The following APBB1IP variants were observed in gnomAD, a reference collection of about 807,000 sequenced individuals.
The protein encoded by APBB1IP is amyloid beta precursor protein binding family B member 1 interacting protein, also known as amyloid beta A4 precursor protein-binding family B member 1-interacting protein.
In APBB1IP, 27 loss-of-function variants were observed where a neutral mutation model predicts 64.9. The ratio of observed to expected loss-of-function variants is 0.42; its 90% CI spans 0.31 to 0.57. APBB1IP has a LOEUF of 0.57. APBB1IP is among the 20% of genes least tolerant of loss of function. The pLI is 0.20. For missense variants in APBB1IP, 812 were observed against 845.5 expected (o/e 0.96, Z 0.49); for synonymous variants, 392 against 331.0 (o/e 1.18, Z -2.00).
intron 5 of APBB1IP, 121 bp from the exon 6 acceptor site, chr10:26,503,076 G>T: frequency 1.2e-6 from 1 of 830,026 alleles, no homozygotes. Flanking sequence ...TGAAAATCAA[G>T]CATGTGAAAT....
intron 2 of APBB1IP, among the ~76,000 whole-genome samples, chr10:26,476,257 C>T (rs187659308): frequency 6.6e-6 from 1 of 151,518 alleles, no homozygotes; most frequent in East Asian, 1.9e-4. Flanking sequence ...CAGCATTTCA[C>T]CATGTTGGCC....
chr10:26,560,941 A>G, intron 13 of APBB1IP, 97 bp downstream of exon 13: 1 of 831,578 alleles, frequency 1.2e-6, no homozygotes, highest in Non-Finnish European at 1.8e-6. Flanking sequence ...CTTTGTACAC[A>G]GCATTCAGAA....
intron 8 of APBB1IP, among the ~76,000 whole-genome samples, chr10:26,514,056 T>C (rs1219114288): frequency 1.3e-5 from 2 of 152,176 alleles, no homozygotes; most frequent in African/African-American, 4.8e-5. Flanking sequence ...TAATGTCACC[T>C]GTATACTAAC....
At chr10:26,500,140 G>A (rs1172390650) in intron 4 of APBB1IP, among the ~76,000 whole-genome samples, 3 of 151,384 alleles carry the variant, frequency 2.0e-5, no homozygotes, top group Admixed American at 6.6e-5. Flanking sequence ...GAGCCTGGGA[G>A]GCAGAGATTG....
chr10:26,536,193 T>C lies in APBB1IP; in HGVS notation c.1020T>C (p.Tyr340=). The C allele has an allele frequency of 1.3e-6, 2 of 1,596,292 alleles. No individual in the cohort carries two copies. The highest frequency in any genetic ancestry group is 1.7e-6 in the Non-Finnish European group (2 of 1,174,998). ...TTCTTTTACGGGCTTCTGGAATTTA[T>C]TATGTACCCAAAGGAAAGACTAAGG... is the stretch of plus-strand genomic sequence containing the variant. ...RYFLLRASGI[Y]YVPKGKTKTS... is the part of the protein sequence containing the mutation. The change falls in exon 10 of 15, where the codon TAT becomes TAC. Residue 340 remains tyrosine (Y), a synonymous_variant. Transcript: ENST00000376236.
At chr10:26,510,397 T>C (rs1489994182) in intron 6 of APBB1IP, among the ~76,000 whole-genome samples, 1 of 152,218 alleles carries the variant, frequency 6.6e-6, no homozygotes, top group Non-Finnish European at 1.5e-5. Flanking sequence ...ACCAATTTTA[T>C]TGTGAATTTA....
At chr10:26,529,188 A>G (rs746598746) in intron 8 of APBB1IP, among the ~76,000 whole-genome samples, 1 of 152,232 alleles carries the variant, frequency 6.6e-6, no homozygotes, top group Non-Finnish European at 1.5e-5. Flanking sequence ...AGGTTTACCC[A>G]GTTTCCATTT....
chr10:26,551,034 G>A (rs1216150365), intron 11 of APBB1IP, among the ~76,000 whole-genome samples: 1 of 152,216 alleles, frequency 6.6e-6, no homozygotes, highest in Non-Finnish European at 1.5e-5. Flanking sequence ...AGGGCCCACT[G>A]GATGGTGTGG....
At chr10:26,544,272 G>T (rs1363101355) in intron 11 of APBB1IP, among the ~76,000 whole-genome samples, 1 of 152,204 alleles carries the variant, frequency 6.6e-6, no homozygotes, top group African/African-American at 2.4e-5. Context: ...CCAAAGACTT[G>T]TCCACACTTC....
At chr10:26,457,874 A>T (rs1223449470) in intron 2 of APBB1IP, among the ~76,000 whole-genome samples, 4 of 152,232 alleles carry the variant, frequency 2.6e-5, no homozygotes, top group Non-Finnish European at 5.9e-5. Context: ...TATCCTAAAG[A>T]TAATCTGGAT....
intron 2 of APBB1IP, among the ~76,000 whole-genome samples, chr10:26,475,518 C>T (rs1835765485): frequency 6.6e-6 from 1 of 152,138 alleles, no homozygotes; most frequent in African/African-American, 2.4e-5. Flanking sequence ...CACACAATCC[C>T]AGGCCCTGAT....
chr10:26,465,051 C>T (rs1835632552), intron 2 of APBB1IP, among the ~76,000 whole-genome samples: 1 of 152,210 alleles, frequency 6.6e-6, no homozygotes, highest in Non-Finnish European at 1.5e-5. Flanking sequence ...CCATTTTAGA[C>T]ATGTGCTTTC....
chr10:26,478,919 T>G (rs2132420914), intron 2 of APBB1IP, among the ~76,000 whole-genome samples: 1 of 152,232 alleles, frequency 6.6e-6, no homozygotes, highest in Non-Finnish European at 1.5e-5. Context: ...AAGTCTCCCT[T>G]TAAAAAAATA....
chr10:26,496,276 A>C (rs1157936986), intron 3 of APBB1IP, 28 bp from the exon 4 acceptor site: 1 of 1,542,860 alleles, frequency 6.5e-7, no homozygotes, highest in African/African-American at 1.4e-5. Flanking sequence ...ATCATGAATA[A>C]CTTTGATGGG....
chr10:26,465,380 A>G (rs1835636639), intron 2 of APBB1IP, among the ~76,000 whole-genome samples: 1 of 152,188 alleles, frequency 6.6e-6, no homozygotes, highest in Non-Finnish European at 1.5e-5. Context: ...TGACATATTC[A>G]AGGACACAAA....
intron 2 of APBB1IP, among the ~76,000 whole-genome samples, chr10:26,441,130 G>A (rs993897314): frequency 6.6e-6 from 1 of 152,166 alleles, no homozygotes; most frequent in Admixed American, 6.5e-5. Context: ...TATCTTCTCA[G>A]TATGAAAATG....
At chr10:26,539,111 T>G (rs571753317) in intron 10 of APBB1IP, among the ~76,000 whole-genome samples, 1 of 152,244 alleles carries the variant, frequency 6.6e-6, no homozygotes, top group African/African-American at 2.4e-5. Context: ...TATAAAATCC[T>G]AGAAGAAAAC....
At chr10:26,528,758 A>T (rs1836511550) in intron 8 of APBB1IP, among the ~76,000 whole-genome samples, 1 of 152,118 alleles carries the variant, frequency 6.6e-6, no homozygotes, top group Non-Finnish European at 1.5e-5. Context: ...GCAACATAGC[A>T]AGACCCCATC....
intron 2 of APBB1IP, among the ~76,000 whole-genome samples, chr10:26,478,712 A>T (rs697158): frequency 0.06 from 9,123 of 152,150 alleles, 897 homozygotes; most frequent in African/African-American, 0.2. Context: ...TAAGAGCACC[A>T]AGGGAGTGAG....
Sources: allele counts gnomAD v4.1 joint callset (sites outside exome capture counted in the v4.1 genomes callset), GRCh38; gene constraint gnomAD v4.1.1; transcripts MANE v1.5; gene names NCBI Gene and HGNC (gene_info 2026-07-23, HGNC 2026-07-21).